NRXN3: variants seen among roughly 807,000 people sequenced by gnomAD.
NRXN3 encodes the protein neurexin 3.
Under a neutral mutation model 137.6 loss-of-function variants are expected in NRXN3, and 32 were observed. The ratio of observed to expected loss-of-function variants is 0.23; its 90% confidence interval spans 0.18 to 0.31. The LOEUF is 0.31. Ranked by LOEUF, NRXN3 falls within the 10% of genes least tolerant of loss-of-function variation. The pLI is 1.00. For synonymous variants in NRXN3, 798 were observed against 784.5 expected, an observed-to-expected ratio of 1.02 and a Z score of -0.29; for missense variants, 1,574 against 2,062.5, an observed-to-expected ratio of 0.76 and a Z score of 4.59.
rs1206974336 is a variant in NRXN3, at chr14:78,780,396, G to T, written c.2045-23224G>T. On this transcript the variant is annotated intron_variant, in intron 8 of 20. Coordinates refer to ENST00000335750, the MANE Select transcript of NRXN3 (RefSeq NM_001330195.2). ...GATTAGCTTTACGACCTATGTATGG[G>T]AAAGATTTCTTAAAAGAAGGGAAAA... 1.3e-5 allele frequency among the ~76,000 whole-genome samples: 2 copies of T among 151,836 alleles called. 1 individual carries two copies. The highest frequency in any genetic ancestry group is 4.8e-5 in the African/African-American group (2 of 41,330).
chr14:79,242,080 T>A (rs2074401160), intron 15 of NRXN3, among the ~76,000 whole-genome samples: 1 of 147,162 alleles, frequency 6.8e-6, no homozygotes, highest in African/African-American at 2.5e-5. Flanking sequence ...AAAAAAAAAA[T>A]TAAATGCTCA....
At chr14:79,671,122 C>T (rs1318151529) in intron 17 of NRXN3, among the ~76,000 whole-genome samples, 1 of 152,150 alleles carries the variant, frequency 6.6e-6, no homozygotes, top group African/African-American at 2.4e-5. Flanking sequence ...CAGCATCCTA[C>T]TTAGTCTTGA....
intron 4 of NRXN3, among the ~76,000 whole-genome samples, chr14:78,598,799 G>T (rs1601106923): frequency 6.6e-6 from 1 of 152,134 alleles, no homozygotes; most frequent in South Asian, 2.1e-4. Context: ...GCCATCTCTG[G>T]GACGCGGGGT....
At chr14:78,999,260 T>G (rs1026716282) in intron 15 of NRXN3, among the ~76,000 whole-genome samples, 7 of 152,232 alleles carry the variant, frequency 4.6e-5, no homozygotes, top group Admixed American at 2.6e-4. Flanking sequence ...TTGATTTAAC[T>G]GAGTTTTTTT....
intron 10 of NRXN3, among the ~76,000 whole-genome samples, chr14:78,907,215 C>T (rs2099220232): frequency 6.6e-6 from 1 of 151,908 alleles, no homozygotes; most frequent in African/African-American, 2.4e-5. Flanking sequence ...AGCTTTGTTG[C>T]ATGGTCTTAT....
At chr14:79,500,615 T>C (rs183579785) in intron 16 of NRXN3, among the ~76,000 whole-genome samples, 2 of 152,300 alleles carry the variant, frequency 1.3e-5, no homozygotes, top group Admixed American at 6.5e-5. Context: ...CCTCCCACTT[T>C]CGTTTGTGTC....
chr14:79,678,957 A>G (rs975679436), intron 17 of NRXN3, among the ~76,000 whole-genome samples: 23 of 152,130 alleles, frequency 1.5e-4, no homozygotes, highest in African/African-American at 5.6e-4. Context: ...ATTTCTAACA[A>G]TATGTACTAG....
At chr14:79,549,468 A>G (rs533173715) in intron 16 of NRXN3, among the ~76,000 whole-genome samples, 16 of 152,032 alleles carry the variant, frequency 1.1e-4, no homozygotes, top group African/African-American at 3.1e-4. Flanking sequence ...TTCCACAAAT[A>G]CTCCTTCCCT....
At chr14:79,719,382 G>GTGTGTGTATATATA (rs1555660543) in intron 19 of NRXN3, among the ~76,000 whole-genome samples, 3,443 of 127,552 alleles carry the variant, frequency 0.027, 148 homozygotes, top group African/African-American at 0.087. Context: ...GTATATATAT[G>GTGTGTGTATATATA]TGTGTGTATA....
chr14:78,802,772 C>T (rs1306613081), intron 8 of NRXN3, among the ~76,000 whole-genome samples: 2 of 151,996 alleles, frequency 1.3e-5, no homozygotes, highest in African/African-American at 4.8e-5. Context: ...ATGGCAAAAA[C>T]CCATCTCTAC....
At chr14:78,353,032 A>G (rs147144796) in intron 4 of NRXN3, among the ~76,000 whole-genome samples, 1 of 152,342 alleles carries the variant, frequency 6.6e-6, no homozygotes, top group Admixed American at 6.5e-5. Context: ...AGGATCGATC[A>G]CATTCCCTGC....
chr14:79,021,558 A>G (rs2099589666), intron 15 of NRXN3, among the ~76,000 whole-genome samples: 1 of 152,160 alleles, frequency 6.6e-6, no homozygotes, highest in Non-Finnish European at 1.5e-5. Flanking sequence ...GGATCTATGG[A>G]TGAGTGTGAT....
chr14:78,571,661 G>A (rs1159280115), intron 4 of NRXN3, among the ~76,000 whole-genome samples: 1 of 152,010 alleles, frequency 6.6e-6, no homozygotes, highest in African/African-American at 2.4e-5. Context: ...AAGGTGTGGA[G>A]GTATGCAGGG....
At chr14:78,883,419 A>C (rs572439517) in intron 10 of NRXN3, among the ~76,000 whole-genome samples, 1 of 152,350 alleles carries the variant, frequency 6.6e-6, no homozygotes, top group African/African-American at 2.4e-5. Context: ...CAGAGCTGGA[A>C]GTGGAACAGG....
At chr14:79,357,018 G>A (rs2093448572) in intron 15 of NRXN3, among the ~76,000 whole-genome samples, 1 of 152,124 alleles carries the variant, frequency 6.6e-6, no homozygotes, top group African/African-American at 2.4e-5. Context: ...GTGAGCCACT[G>A]AGCCCAGCCT....
chr14:78,637,263 A>G (rs1270974516), intron 4 of NRXN3, among the ~76,000 whole-genome samples: 1 of 152,198 alleles, frequency 6.6e-6, no homozygotes, highest in Non-Finnish European at 1.5e-5. Context: ...TGACCACACC[A>G]ATGGATATGC....
intron 15 of NRXN3, among the ~76,000 whole-genome samples, chr14:79,264,914 CTG>C (rs1485628538): frequency 1.3e-5 from 2 of 151,594 alleles, no homozygotes; most frequent in African/African-American, 2.4e-5. Context: ...AAAGGGGAAA[CTG>C]TTACAGAGGT....
chr14:78,542,076 G>A (rs1033627088), intron 4 of NRXN3, among the ~76,000 whole-genome samples: 3 of 152,210 alleles, frequency 2.0e-5, no homozygotes, highest in Non-Finnish European at 1.5e-5. Flanking sequence ...CCTATATGAG[G>A]TGTCTGTCAT....
chr14:78,194,380 T>C (rs2061036865), intron 1 of NRXN3, among the ~76,000 whole-genome samples: 1 of 152,182 alleles, frequency 6.6e-6, no homozygotes, highest in East Asian at 1.9e-4. Context: ...AACCCATTGC[T>C]GGGGAGTCCA....
Sources: gnomAD v4.1 joint callset for allele counts (sites outside exome capture counted in the v4.1 genomes callset) on GRCh38, gnomAD v4.1.1 for gene constraint, MANE v1.5 for transcripts, NCBI Gene and HGNC (gene_info 2026-07-23, HGNC 2026-07-21) for gene names.